CAMK2D: variants seen among roughly 807,000 people sequenced by gnomAD.
CAMK2D encodes calcium/calmodulin dependent protein kinase II delta.
A neutral mutation model predicts 84.0 loss-of-function variants in CAMK2D; 37 were observed. The ratio of observed to expected loss-of-function variants is 0.44; its 90% CI spans 0.34 to 0.58. The LOEUF is 0.58. Among genes scored for constraint, CAMK2D ranks in the 20% least tolerant of loss-of-function variants. The pLI, the probability that CAMK2D is intolerant of heterozygous loss-of-function variation, is 0.02. For synonymous variants in CAMK2D, 202 were observed against 212.5 expected (o/e 0.95, Z 0.43); for missense variants, 448 against 652.5 (o/e 0.69, Z 3.41).
chr4:113,665,966 T>G (rs929218756), intron 2 of CAMK2D, among the ~76,000 whole-genome samples: 2 of 152,248 alleles, frequency 1.3e-5, no homozygotes, highest in African/African-American at 4.8e-5. Context: ...AATGTTGTTA[T>G]AACATTGCTT....
chr4:113,451,283 T>C lies in CAMK2D; in HGVS notation c.*3262A>G, dbSNP rs1190390716. ...TTTGAGTCCGAGTATATCCTCAGCATTAACAGTAAACCTACATAAAGAGGG... is the reference window on the plus strand; with the variant it reads ...TTTGAGTCCGAGTATATCCTCAGCACTAACAGTAAACCTACATAAAGAGGG... On this transcript the variant is annotated 3_prime_UTR_variant, in exon 21 of 21. Transcript: ENST00000511664. 6.6e-6 allele frequency: 1 copy of C among 152,144 alleles called. No homozygotes were observed. Among genetic ancestry groups the C allele is most frequent in the African/African-American group, 2.4e-5 (1 of 41,434 alleles). The allele number at this position is 152,144 out of a possible 1,614,324, so 9.4% of individuals were successfully genotyped here.
chr4:113,678,630 C>G (rs182447379), intron 2 of CAMK2D, among the ~76,000 whole-genome samples: 33 of 152,154 alleles, frequency 2.2e-4, no homozygotes, highest in Middle Eastern at 3.4e-3. Context: ...ACAAAATCCT[C>G]TCTTGTAGCT....
chr4:113,741,903 G>C (rs760930013), intron 2 of CAMK2D, among the ~76,000 whole-genome samples: 1 of 152,162 alleles, frequency 6.6e-6, no homozygotes, highest in Middle Eastern at 3.4e-3. Flanking sequence ...TTCTTTCTTC[G>C]TATTTTCTCA....
At chr4:113,654,841 T>G (rs1248425204) in intron 3 of CAMK2D, among the ~76,000 whole-genome samples, 2 of 151,758 alleles carry the variant, frequency 1.3e-5, no homozygotes, top group African/African-American at 2.4e-5. Flanking sequence ...AATTATCTGA[T>G]TATGTGTAAT....
chr4:113,675,348 T>C (rs1250984137), intron 2 of CAMK2D, among the ~76,000 whole-genome samples: 4 of 152,224 alleles, frequency 2.6e-5, no homozygotes, highest in African/African-American at 9.7e-5. Context: ...TCTTTAAAAA[T>C]CATAACTTAC....
chr4:113,555,143 A>T (rs1401045670), intron 4 of CAMK2D, among the ~76,000 whole-genome samples: 2 of 152,226 alleles, frequency 1.3e-5, no homozygotes, highest in Non-Finnish European at 2.9e-5. Flanking sequence ...AATTTCATCC[A>T]GAATACAACA....
intron 3 of CAMK2D, among the ~76,000 whole-genome samples, chr4:113,631,135 G>A (rs1209810803): frequency 2.6e-5 from 4 of 152,140 alleles, no homozygotes; most frequent in Admixed American, 6.6e-5. Flanking sequence ...TAAAGTCTGT[G>A]ATGGTCTTTT....
At chr4:113,527,301 C>T (rs1250818640) in intron 8 of CAMK2D, among the ~76,000 whole-genome samples, 1 of 151,158 alleles carries the variant, frequency 6.6e-6, no homozygotes, top group Non-Finnish European at 1.5e-5. Context: ...GATGGGTCAT[C>T]CTATGTTGCC....
chr4:113,679,685 TAAAG>T (rs1241298478), intron 2 of CAMK2D, among the ~76,000 whole-genome samples: 1 of 152,084 alleles, frequency 6.6e-6, no homozygotes, highest in African/African-American at 2.4e-5. Context: ...AAAGAACAAA[TAAAG>T]AAATACTAGC....
intron 3 of CAMK2D, among the ~76,000 whole-genome samples, chr4:113,660,622 T>G (rs2154311632): frequency 6.6e-6 from 1 of 151,974 alleles, no homozygotes; most frequent in East Asian, 1.9e-4. Context: ...AACTCCTAGG[T>G]TCAAGCGATC....
At chr4:113,506,856 T>G (rs2098133836) in intron 13 of CAMK2D, among the ~76,000 whole-genome samples, 1 of 152,132 alleles carries the variant, frequency 6.6e-6, no homozygotes, top group Admixed American at 6.5e-5. Context: ...CTTGCACACC[T>G]GTGCACACAA....
intron 12 of CAMK2D, among the ~76,000 whole-genome samples, chr4:113,512,847 A>T (rs998455190): frequency 6.6e-6 from 1 of 152,258 alleles, no homozygotes; most frequent in Non-Finnish European, 1.5e-5. Context: ...CTGGGATTAC[A>T]GGCGTGAGCC....
chr4:113,725,655 T>C (rs2099543746), intron 2 of CAMK2D, among the ~76,000 whole-genome samples: 1 of 152,096 alleles, frequency 6.6e-6, no homozygotes, highest in Non-Finnish European at 1.5e-5. Context: ...AAATGTACTA[T>C]CAACAAACCT....
chr4:113,541,133 T>C (rs1043570043), intron 6 of CAMK2D, among the ~76,000 whole-genome samples: 2 of 152,210 alleles, frequency 1.3e-5, no homozygotes, highest in African/African-American at 4.8e-5. Context: ...TGACTCAAAG[T>C]ACATAGGCAG....
At chr4:113,539,676 C>T (rs2098517141) in intron 6 of CAMK2D, among the ~76,000 whole-genome samples, 1 of 152,114 alleles carries the variant, frequency 6.6e-6, no homozygotes, top group African/African-American at 2.4e-5. Context: ...ATAGTAAATC[C>T]ATCTGGACCA....
At chr4:113,500,580 C>T (rs1472343854) in intron 15 of CAMK2D, 69 bp from the exon 16 acceptor site, 6 of 1,015,440 alleles carry the variant, frequency 5.9e-6, no homozygotes, top group East Asian at 4.9e-5. Context: ...TAAAAATTGG[C>T]TAGTGACATA....
At chr4:113,749,599 T>G (rs1336303844) in intron 2 of CAMK2D, among the ~76,000 whole-genome samples, 1 of 152,192 alleles carries the variant, frequency 6.6e-6, no homozygotes, top group Admixed American at 6.5e-5. Flanking sequence ...GGATCAAAAT[T>G]TTTTTAAACT....
At chr4:113,633,770 C>T (rs972868858) in intron 3 of CAMK2D, among the ~76,000 whole-genome samples, 4 of 151,558 alleles carry the variant, frequency 2.6e-5, no homozygotes, top group African/African-American at 9.8e-5. Context: ...GCATCTCTGC[C>T]TTCTTTCCCT....
In CAMK2D at chr4:113,452,759, T is replaced by C. The variant is rs533027193; in HGVS notation, c.*1786A>G. 6.6e-6 allele frequency: 1 copy of C among 152,660 alleles called. No homozygotes were observed. The highest frequency in any genetic ancestry group is 2.1e-4 in the South Asian group (1 of 4,822). 9.5% of individuals were successfully genotyped at this position (152,660 alleles called of 1,614,324 possible). A position where few individuals can be genotyped will look rare whatever the true frequency, so the allele number is the denominator to read the frequency against. ...ATTAAAAAGAGAAAAATGAGGCCATTATTTTTTCACAGATCTCATTGGCAG... is the reference window on the plus strand; with the variant it reads ...ATTAAAAAGAGAAAAATGAGGCCATCATTTTTTCACAGATCTCATTGGCAG... On this transcript the variant is annotated 3_prime_UTR_variant, in exon 21 of 21. Coordinates refer to ENST00000511664, the MANE Select transcript of CAMK2D (RefSeq NM_001321571.2).
Sources: allele counts gnomAD v4.1 joint callset (sites outside exome capture counted in the v4.1 genomes callset), GRCh38; gene constraint gnomAD v4.1.1; transcripts MANE v1.5; gene names NCBI Gene and HGNC (gene_info 2026-07-23, HGNC 2026-07-21).